Variants in CERK observed in about 807,000 individuals in gnomAD.
CERK encodes ceramide kinase.
Under a neutral mutation model 63.4 loss-of-function variants are expected in CERK, and 39 were observed. The ratio of observed to expected loss-of-function variants is 0.61; its 90% confidence interval spans 0.48 to 0.80. The LOEUF is 0.80. CERK is among the 30% of genes least tolerant of loss of function. The pLI, the probability that CERK is intolerant of heterozygous loss-of-function variation, is 0.00. For synonymous variants in CERK, 302 were observed against 280.0 expected, an observed-to-expected ratio of 1.08 and a Z score of -0.78; for missense variants, 670 against 714.1, an observed-to-expected ratio of 0.94 and a Z score of 0.70.
At chr22:46,717,040 C>T (rs1458039919) in intron 3 of CERK, among the ~76,000 whole-genome samples, 2 of 152,178 alleles carry the variant, frequency 1.3e-5, no homozygotes, top group African/African-American at 2.4e-5. Context: ...TCACAAAAGG[C>T]GATATCTGAA....
Position 46,715,679 on chromosome 22 carries a change from C to T in CERK, c.380-3386G>A, listed in dbSNP as rs539904358. ...GCAGCCTGGGTGACAGAGCAAGACCCTGTCTTAAAAAAATGAATACATAAA... is the reference window on the plus strand; with the variant it reads ...GCAGCCTGGGTGACAGAGCAAGACCTTGTCTTAAAAAAATGAATACATAAA... On this transcript the variant is annotated intron_variant, in intron 3 of 12. Transcript: ENST00000216264. Among the ~76,000 whole-genome samples, 8 of 152,140 alleles carry T rather than the reference C, an allele frequency of 5.3e-5. No individual in the cohort carries two copies. The South Asian group carries it at 1.5e-3, about 28-fold the overall frequency.
chr22:46,735,247 TACTTCCC>T (rs1019701177), intron 1 of CERK: 2 of 152,304 alleles, frequency 1.3e-5, no homozygotes, highest in African/African-American at 4.8e-5. Context: ...CGTCCTGCCC[TACTTCCC>T]ACCAGGCTGG....
chr22:46,690,110 C>G lies in CERK; in HGVS notation c.1423G>C (p.Gly475Arg), dbSNP rs148346577. 528 of 1,614,094 alleles carry G rather than the reference C, an allele frequency of 3.3e-4. 1 individual carries two copies. The highest frequency in any genetic ancestry group is 3.2e-3 in the African/African-American group (237 of 75,040). ...ATGTGCCCAAAGCGCTTCTTCCCCC[C>G]CTCCTTGAGGTCGCTGTCCTCATCC... ...MEDEDSDLKE[G>R]GKKRFGHICS... is the part of the protein sequence containing the mutation. Residue 475 changes from glycine (G) to arginine (R), a missense_variant, in exon 12 of 13, where the codon GGG becomes CGG. By Grantham distance (125) the Gly-to-Arg change is moderately radical (BLOSUM62 -2). Coordinates refer to ENST00000216264, the MANE Select transcript of CERK (RefSeq NM_022766.6).
At chr22:46,693,304 T>TGGTC in intron 10 of CERK, 123 bp downstream of exon 10, 1 of 756,184 alleles carries the variant, frequency 1.3e-6, no homozygotes, top group Admixed American at 2.1e-5. Flanking sequence ...GGATGCCTGG[T>TGGTC]GCCAGACAGG....
chr22:46,702,221 ATATG>A (rs762842324), intron 6 of CERK, among the ~76,000 whole-genome samples: 4,565 of 113,152 alleles, frequency 0.04, 95 homozygotes, highest in Non-Finnish European at 0.048. Flanking sequence ...AAAAATATAT[ATATG>A]TGTGTGTGTG....
At chr22:46,715,739 C>T (rs1278594946) in intron 3 of CERK, among the ~76,000 whole-genome samples, 1 of 152,178 alleles carries the variant, frequency 6.6e-6, no homozygotes, top group African/African-American at 2.4e-5. Context: ...CTGCTCACCT[C>T]ACACTGGACA....
In CERK at chr22:46,721,362, G is replaced by A. The variant is rs549130602; in HGVS notation, c.143-347C>T. Reference sequence around the variant, plus strand: ...GGCTGGAGTGCAGTGGTTCGATCTCGGCTCACTGCAAGCTCTGCCTCCCGG... The same window carrying A: ...GGCTGGAGTGCAGTGGTTCGATCTCAGCTCACTGCAAGCTCTGCCTCCCGG... On this transcript the variant is annotated intron_variant, in intron 1 of 12. Coordinates refer to ENST00000216264, the MANE Select transcript of CERK (RefSeq NM_022766.6). 4.6e-5 allele frequency among the ~76,000 whole-genome samples: 7 copies of A among 151,920 alleles called. No homozygotes were observed. In the East Asian group the frequency reaches 1.2e-3, roughly 25 times the overall value.
At chr22:46,687,907 C>T (rs1444936153) in intron 12 of CERK, among the ~76,000 whole-genome samples, 1 of 152,212 alleles carries the variant, frequency 6.6e-6, no homozygotes, top group Non-Finnish European at 1.5e-5. Flanking sequence ...CATTAAGTGA[C>T]AGGCTGGGGC....
intron 10 of CERK, among the ~76,000 whole-genome samples, chr22:46,692,938 A>AAAAAATC (rs1172213200): frequency 1.2e-4 from 18 of 152,040 alleles, no homozygotes; most frequent in Admixed American, 1.2e-3. Flanking sequence ...GAGAAAGAGA[A>AAAAAATC]AAAAATCAAA....
At position 46,706,595 on chromosome 22, in the gene CERK, C is replaced by T. The variant is rs1569323370; in HGVS notation, c.715+1248G>A. On this transcript the variant is annotated intron_variant, in intron 6 of 12. Coordinates refer to ENST00000216264, the MANE Select transcript of CERK (RefSeq NM_022766.6). ...AGGTGAGTGACATTCTTCTAAAACT[C>T]ATCAGGCGATATTATGAAAAGTTCC... Among the ~76,000 whole-genome samples, 4 of 152,152 alleles carry T rather than the reference C, an allele frequency of 2.6e-5. No homozygotes were observed. The South Asian group carries it at 8.3e-4, about 32-fold the overall frequency.
Position 46,691,555 on chromosome 22 carries a change from A to G in CERK, c.1332+17T>C. Reference sequence around the variant, plus strand: ...TTACTCGCCAGTGGAGGCTCCATGCAAGAGCACCCCACTTACCTGGTCCTG... The same window carrying G: ...TTACTCGCCAGTGGAGGCTCCATGCGAGAGCACCCCACTTACCTGGTCCTG... On this transcript the variant is annotated intron_variant, in intron 11 of 12. Transcript: ENST00000216264. 1 of 1,607,578 alleles carries G rather than the reference A, an allele frequency of 6.2e-7. No individual in the cohort carries two copies.
chr22:46,728,570 C>T (rs149598597), intron 1 of CERK, among the ~76,000 whole-genome samples: 26 of 152,328 alleles, frequency 1.7e-4, no homozygotes, highest in Non-Finnish European at 2.9e-4. Flanking sequence ...GCACAGTACA[C>T]GCTGGCCTAA....
chr22:46,716,955 A>G (rs1220273802), intron 3 of CERK, among the ~76,000 whole-genome samples: 1 of 152,034 alleles, frequency 6.6e-6, no homozygotes. Context: ...AAAAAAGAAA[A>G]AAAGAATGAA....
rs527762652 is a variant in CERK at position 46,688,798 on chromosome 22, C to T, written c.1541+1194G>A. On this transcript the variant is annotated intron_variant, in intron 12 of 12. Transcript: ENST00000216264. Reference sequence around the variant, plus strand: ...ACGCCAGCCACACTCTGTTAACGAGCGTCAAGCTGGGCTTCCTTGAAGTAG... The same window carrying T: ...ACGCCAGCCACACTCTGTTAACGAGTGTCAAGCTGGGCTTCCTTGAAGTAG... 7.3e-4 allele frequency among the ~76,000 whole-genome samples: 111 copies of T among 152,384 alleles called. 2 individuals carry two copies. The South Asian group carries it at 0.021, about 29-fold the overall frequency.
intron 5 of CERK, among the ~76,000 whole-genome samples, chr22:46,708,639 C>T (rs962042268): frequency 5.3e-5 from 8 of 152,158 alleles, no homozygotes; most frequent in Admixed American, 1.3e-4. Flanking sequence ...GGAGAAAGGA[C>T]GGGTTGGTTT....
At chr22:46,733,938 A>T (rs778347563) in intron 1 of CERK, among the ~76,000 whole-genome samples, 1 of 152,054 alleles carries the variant, frequency 6.6e-6, no homozygotes, top group Non-Finnish European at 1.5e-5. Flanking sequence ...CAGGAGGCTA[A>T]GGCAGGAGAA....
chr22:46,719,523 T>A (rs773867919), intron 3 of CERK, among the ~76,000 whole-genome samples: 11 of 151,904 alleles, frequency 7.2e-5, no homozygotes, highest in Non-Finnish European at 1.5e-4. Flanking sequence ...AATACAAAAA[T>A]TAGCCAGGCG....
chr22:46,689,843 T>A (rs540897957), intron 12 of CERK, 149 bp downstream of exon 12: 1 of 594,486 alleles, frequency 1.7e-6, no homozygotes, highest in East Asian at 2.9e-5. Context: ...ATATTTGACA[T>A]AGGGAGAGAA....
At chr22:46,704,375 A>G (rs1477684934) in intron 6 of CERK, among the ~76,000 whole-genome samples, 1 of 152,242 alleles carries the variant, frequency 6.6e-6, no homozygotes, top group African/African-American at 2.4e-5. Flanking sequence ...ACAAGGTAAG[A>G]ACCATACAGC....
Sources: allele counts gnomAD v4.1 joint callset (sites outside exome capture counted in the v4.1 genomes callset), GRCh38; gene constraint gnomAD v4.1.1; transcripts MANE v1.5; gene names NCBI Gene and HGNC (gene_info 2026-07-23, HGNC 2026-07-21).